Variants in ITGA8 observed in about 807,000 individuals in gnomAD.
ITGA8 encodes the protein integrin subunit alpha 8, also known as integrin alpha-8.
Under a neutral mutation model 142.3 loss-of-function variants are expected in ITGA8, and 91 were observed. The ratio of observed to expected loss-of-function variants is 0.64; its 90% confidence interval spans 0.54 to 0.76. The LOEUF is 0.76. Ranked by LOEUF, ITGA8 falls within the 30% of genes least tolerant of loss-of-function variation. The pLI, the probability that ITGA8 is intolerant of heterozygous loss-of-function variation, is 0.00. For synonymous variants in ITGA8, 505 were observed against 485.2 expected (o/e 1.04, Z -0.54); for missense variants, 1,406 against 1,327.7 (o/e 1.06, Z -0.92).
rs1030656115 is a variant in ITGA8, at chr10:15,676,252, T to G, written c.676+1340A>C. 4.0e-4 allele frequency among the ~76,000 whole-genome samples: 61 copies of G among 152,204 alleles called. 1 individual carries two copies. The highest frequency in any genetic ancestry group is 1.4e-3 in the African/African-American group (60 of 41,442). On this transcript the variant is annotated intron_variant, in intron 6 of 29. Transcript: ENST00000378076. ...GTCCAGATCTCAGTTCAGGGTTGTT[T>G]GCTTTCCAAGTTAACTTTGCGTTGC...
intron 10 of ITGA8, among the ~76,000 whole-genome samples, chr10:15,658,473 A>G (rs1834227211): frequency 6.6e-6 from 1 of 151,650 alleles, no homozygotes; most frequent in Non-Finnish European, 1.5e-5. Flanking sequence ...CAGCTCCTAC[A>G]TCTCTCTTGC....
intron 4 of ITGA8, 116 bp from the exon 5 acceptor site, chr10:15,678,899 A>T: frequency 1.7e-6 from 1 of 576,570 alleles, no homozygotes; most frequent in Non-Finnish European, 3.0e-6. Flanking sequence ...AAAAATGATC[A>T]ATATGTGTTT....
At chr10:15,670,829 G>T (rs2039910) in intron 8 of ITGA8, among the ~76,000 whole-genome samples, 102,800 of 152,026 alleles carry the variant, frequency 0.68, 36,397 homozygotes, top group South Asian at 0.85. Context: ...CCCAGACTTT[G>T]CTCGAAGCCA....
chr10:15,515,820 C>CAA lies in ITGA8; in HGVS notation c.*1337_*1338insTT. ...ATGAATTATTTACAAGAGTTTTAAA[C>CAA]ATAAAAAATTTGTGATGGTTAAATT... On this transcript the variant is annotated 3_prime_UTR_variant, in exon 30 of 30. Coordinates refer to ENST00000378076, the MANE Select transcript of ITGA8 (RefSeq NM_003638.3). 1 of 151,820 alleles carries CAA rather than the reference C, an allele frequency of 6.6e-6. No homozygotes were observed. The highest frequency in any genetic ancestry group is 1.9e-4 in the East Asian group (1 of 5,190). 9.4% of individuals were successfully genotyped at this position (151,820 alleles called of 1,614,324 possible).
intron 9 of ITGA8, among the ~76,000 whole-genome samples, chr10:15,659,901 G>T (rs1413306217): frequency 6.6e-6 from 1 of 152,168 alleles, no homozygotes; most frequent in Non-Finnish European, 1.5e-5. Flanking sequence ...TAGATGCTCT[G>T]GTGAGAATAT....
intron 2 of ITGA8, among the ~76,000 whole-genome samples, chr10:15,702,350 G>A (rs923739698): frequency 1.3e-5 from 2 of 151,638 alleles, no homozygotes; most frequent in African/African-American, 4.9e-5. Flanking sequence ...GAGTACAATG[G>A]CACTATCTTG....
chr10:15,614,568 CA>C (rs1315752288), intron 14 of ITGA8, among the ~76,000 whole-genome samples: 6 of 152,034 alleles, frequency 3.9e-5, no homozygotes, highest in African/African-American at 1.4e-4. Context: ...GATAACAAAA[CA>C]AAAAAGTATT....
chr10:15,679,510 A>C (rs1258014459), intron 4 of ITGA8, among the ~76,000 whole-genome samples: 1 of 152,154 alleles, frequency 6.6e-6, no homozygotes, highest in Non-Finnish European at 1.5e-5. Context: ...TGAACCCAGG[A>C]GGCGGAGGTT....
chr10:15,579,227 G>C (rs549877284), intron 23 of ITGA8, among the ~76,000 whole-genome samples: 1 of 152,078 alleles, frequency 6.6e-6, no homozygotes, highest in Non-Finnish European at 1.5e-5. Context: ...CAGTCTTAGA[G>C]AATAATCTGT....
At position 15,548,521 on chromosome 10, in the gene ITGA8, T is replaced by G; in HGVS notation, c.2814A>C (p.Arg938=). Residue 938 remains arginine (R), a synonymous_variant, in exon 27 of 30, where the codon CGA becomes CGC. Coordinates refer to ENST00000378076, the MANE Select transcript of ITGA8 (RefSeq NM_003638.3). Reference sequence around the variant, plus strand: ...GGACTGCGCTTTCTCCTCCTTCGAGTCGTCCCACTGCACAGGAGATTTGTA... The same window carrying G: ...GGACTGCGCTTTCTCCTCCTTCGAGGCGTCCCACTGCACAGGAGATTTGTA... ...ECLQISCAVG[R]LEGGESAVLK... is the part of the protein sequence containing the mutation. The G allele has an allele frequency of 1.2e-6, 2 of 1,603,026 alleles. No individual in the cohort carries two copies. The highest frequency in any genetic ancestry group is 1.7e-6 in the Non-Finnish European group (2 of 1,177,148).
At chr10:15,687,219 A>T (rs1390464924) in intron 3 of ITGA8, among the ~76,000 whole-genome samples, 2 of 152,184 alleles carry the variant, frequency 1.3e-5, no homozygotes, top group East Asian at 3.9e-4. Flanking sequence ...ATTAAATCAT[A>T]ATTCAAGTAG....
At chr10:15,586,835 C>T (rs952173252) in intron 22 of ITGA8, among the ~76,000 whole-genome samples, 171 bp from the exon 23 acceptor site, 1 of 152,160 alleles carries the variant, frequency 6.6e-6, no homozygotes, top group African/African-American at 2.4e-5. Flanking sequence ...CAGAGAAATG[C>T]TAAGATCTTT....
At chr10:15,621,384 A>G (rs1442118028) in intron 13 of ITGA8, among the ~76,000 whole-genome samples, 2 of 151,572 alleles carry the variant, frequency 1.3e-5, no homozygotes, top group Non-Finnish European at 2.9e-5. Context: ...AGTTGGCAAG[A>G]AAAAAAAACC....
At chr10:15,562,844 G>A (rs1419907021) in intron 25 of ITGA8, among the ~76,000 whole-genome samples, 1 of 152,148 alleles carries the variant, frequency 6.6e-6, no homozygotes, top group Non-Finnish European at 1.5e-5. Context: ...ACAGTTGATC[G>A]AGGATGCTGT....
At chr10:15,610,299 A>G (rs765999217) in intron 15 of ITGA8, among the ~76,000 whole-genome samples, 1 of 152,208 alleles carries the variant, frequency 6.6e-6, no homozygotes, top group Non-Finnish European at 1.5e-5. Flanking sequence ...AGGAAAACAT[A>G]CTATATTATA....
chr10:15,588,887 G>T (rs997299250), intron 22 of ITGA8, among the ~76,000 whole-genome samples: 1 of 152,154 alleles, frequency 6.6e-6, no homozygotes, highest in South Asian at 2.1e-4. Context: ...CCTTCTGGTC[G>T]GCTAATCAAA....
intron 2 of ITGA8, among the ~76,000 whole-genome samples, chr10:15,704,570 A>C (rs1835223283): frequency 6.6e-6 from 1 of 152,080 alleles, no homozygotes; most frequent in African/African-American, 2.4e-5. Flanking sequence ...TTTTTTTCAC[A>C]CTTGGAATAA....
At chr10:15,535,199 G>A (rs1289708620) in intron 27 of ITGA8, among the ~76,000 whole-genome samples, 2 of 152,090 alleles carry the variant, frequency 1.3e-5, no homozygotes, top group African/African-American at 2.4e-5. Flanking sequence ...CCTGCAGCCC[G>A]CCATGCCTGA....
At chr10:15,656,907 C>G (rs962190333) in intron 10 of ITGA8, among the ~76,000 whole-genome samples, 2 of 152,182 alleles carry the variant, frequency 1.3e-5, no homozygotes, top group African/African-American at 4.8e-5. Flanking sequence ...GTTTGCTGTT[C>G]TATCTGAACT....
Sources: gnomAD v4.1 joint callset for allele counts (sites outside exome capture counted in the v4.1 genomes callset) on GRCh38, gnomAD v4.1.1 for gene constraint, MANE v1.5 for transcripts, NCBI Gene and HGNC (gene_info 2026-07-23, HGNC 2026-07-21) for gene names.